Variants in WWP2 observed in about 807,000 individuals in gnomAD.
WWP2 encodes the protein WW domain containing E3 ubiquitin protein ligase 2.
Under a neutral mutation model 121.0 loss-of-function variants are expected in WWP2, and 57 were observed. That is an observed-to-expected ratio of 0.47 (90% CI 0.38 to 0.59). The LOEUF is 0.59. Among genes scored for constraint, WWP2 ranks in the 20% least tolerant of loss-of-function variants. The pLI is 0.00. For missense variants in WWP2, 962 were observed against 1,158.9 expected (o/e 0.83, Z 2.47); for synonymous variants, 449 against 441.3 (o/e 1.02, Z -0.22).
At chr16:69,821,523 T>C (rs940878053) in intron 4 of WWP2, among the ~76,000 whole-genome samples, 1 of 152,114 alleles carries the variant, frequency 6.6e-6, no homozygotes, top group African/African-American at 2.4e-5. Flanking sequence ...GCCTCCAGAG[T>C]GTTCTGTGAG....
At chr16:69,933,846 C>A in intron 16 of WWP2, 124 bp from the exon 17 acceptor site, 2 of 1,152,666 alleles carry the variant, frequency 1.7e-6, no homozygotes, top group Non-Finnish European at 2.5e-6. Flanking sequence ...TGTCACAGGG[C>A]TCGACTCCCT....
chr16:69,779,480 G>T (rs1356045995), intron 1 of WWP2, among the ~76,000 whole-genome samples: 1 of 152,192 alleles, frequency 6.6e-6, no homozygotes, highest in African/African-American at 2.4e-5. Context: ...TGCCTTCCCA[G>T]TTGCCTTTGT....
In WWP2 at chr16:69,940,272, C is replaced by G; in HGVS notation, c.*332C>G. 1 of 288,344 alleles carries G rather than the reference C, an allele frequency of 3.5e-6. No individual in the cohort carries two copies. The highest frequency in any genetic ancestry group is 6.5e-6 in the Non-Finnish European group (1 of 154,218). 17.9% of individuals were successfully genotyped at this position (288,344 alleles called of 1,614,324 possible). On this transcript the variant is annotated 3_prime_UTR_variant, in exon 24 of 24. Coordinates refer to ENST00000359154, the MANE Select transcript of WWP2 (RefSeq NM_001270454.2). ...GAGTGTGCAAGGGAAGGTGTTGCATCCCCAGGGGCTGCCGCAGAGGCCGGA... is the reference window on the plus strand; with the variant it reads ...GAGTGTGCAAGGGAAGGTGTTGCATGCCCAGGGGCTGCCGCAGAGGCCGGA...
At chr16:69,894,203 G>C (rs573340744) in intron 8 of WWP2, among the ~76,000 whole-genome samples, 1 of 151,496 alleles carries the variant, frequency 6.6e-6, no homozygotes, top group Non-Finnish European at 1.5e-5. Flanking sequence ...GGCCTCCCGA[G>C]TAGCTGGGAC....
chr16:69,893,910 G>T (rs2058068426), intron 8 of WWP2, among the ~76,000 whole-genome samples: 1 of 152,148 alleles, frequency 6.6e-6, no homozygotes, highest in Admixed American at 6.5e-5. Context: ...GTGCAGCACG[G>T]CTCCTCTTCA....
intron 4 of WWP2, among the ~76,000 whole-genome samples, chr16:69,836,106 A>G (rs1430207988): frequency 6.6e-6 from 1 of 152,102 alleles, no homozygotes; most frequent in East Asian, 1.9e-4. Context: ...CCTGTGCATA[A>G]AACCATAGTA....
chr16:69,828,472 G>A (rs1037327248), intron 4 of WWP2, among the ~76,000 whole-genome samples: 9 of 152,090 alleles, frequency 5.9e-5, no homozygotes, highest in African/African-American at 1.9e-4. Flanking sequence ...GTTCAAGCGA[G>A]TCTCCTGCCT....
intron 7 of WWP2, among the ~76,000 whole-genome samples, chr16:69,880,938 T>C (rs1211166250): frequency 1.3e-5 from 2 of 152,226 alleles, no homozygotes; most frequent in African/African-American, 4.8e-5. Flanking sequence ...CACAGTGGAC[T>C]GGCAGTGTCT....
intron 1 of WWP2, among the ~76,000 whole-genome samples, chr16:69,779,107 A>T (rs2055607140): frequency 6.7e-6 from 1 of 148,244 alleles, no homozygotes; most frequent in Non-Finnish European, 1.5e-5. Context: ...CCGCCACCAC[A>T]CCCGGCTAAT....
At chr16:69,814,979 G>A (rs903957649) in intron 4 of WWP2, among the ~76,000 whole-genome samples, 8 of 151,858 alleles carry the variant, frequency 5.3e-5, no homozygotes, top group African/African-American at 1.7e-4. Flanking sequence ...TTTATTATTA[G>A]TTTTTTAAAA....
At chr16:69,822,639 CG>C (rs2056613320) in intron 4 of WWP2, among the ~76,000 whole-genome samples, 1 of 151,846 alleles carries the variant, frequency 6.6e-6, no homozygotes, top group Non-Finnish European at 1.5e-5. Context: ...AAAAAGGAAT[CG>C]TCTAGAGGAA....
intron 8 of WWP2, among the ~76,000 whole-genome samples, chr16:69,891,673 TCC>T (rs1180098161): frequency 6.6e-6 from 1 of 152,168 alleles, no homozygotes; most frequent in Non-Finnish European, 1.5e-5. Context: ...ACTCAGCCAT[TCC>T]CTTGGCTGCC....
chr16:69,940,164 G>A lies in WWP2; in HGVS notation c.*224G>A. The stretch of plus-strand genomic sequence containing the variant: ...GAATAAAGCCCCCTAGTTGCCTTTG[G>A]CCCCACCTTTGCAAAGTTCCAGAGG... On this transcript the variant is annotated 3_prime_UTR_variant, in exon 24 of 24. Transcript: ENST00000359154. 1 of 571,484 alleles carries A rather than the reference G, an allele frequency of 1.7e-6. No individual in the cohort carries two copies. Among genetic ancestry groups the A allele is most frequent in the Non-Finnish European group, 3.1e-6 (1 of 321,382 alleles). The allele number at this position is 571,484 out of a possible 1,614,324, so 35.4% of individuals were successfully genotyped here. A position where few individuals can be genotyped will look rare whatever the true frequency, so the allele number is the denominator to read the frequency against.
At position 69,935,728 on chromosome 16, in the gene WWP2, G is replaced by A; in HGVS notation, c.1843-125G>A. ...TCCCGCTGCGTCCGAGGCAGCTGCT[G>A]CTGTAGTTCTGTCAGGGAAGGAAGG... On this transcript the variant is annotated intron_variant, in intron 17 of 23. Coordinates refer to ENST00000359154, the MANE Select transcript of WWP2 (RefSeq NM_001270454.2). This position sits in a 1 kb window ranked among gnomAD's most constrained non-coding sequence, Gnocchi z 5.2. 2 of 1,408,254 alleles carry A rather than the reference G, an allele frequency of 1.4e-6. No homozygotes were observed. The highest frequency in any genetic ancestry group is 1.9e-6 in the Non-Finnish European group (2 of 1,041,076). 87.2% of individuals were successfully genotyped at this position (1,408,254 alleles called of 1,614,324 possible).
rs377705388 is a variant in WWP2, at chr16:69,879,625, A to G, written c.703+7694A>G. ...ATTTTGTTTCTCCATTCATCTGTAGATGGACATTTGGGTTGTCTCCACCTT... is the reference window on the plus strand; with the variant it reads ...ATTTTGTTTCTCCATTCATCTGTAGGTGGACATTTGGGTTGTCTCCACCTT... On this transcript the variant is annotated intron_variant, in intron 7 of 23. Coordinates refer to ENST00000359154, the MANE Select transcript of WWP2 (RefSeq NM_001270454.2). 1.1e-4 allele frequency among the ~76,000 whole-genome samples: 17 copies of G among 152,270 alleles called. 2 individuals carry two copies. Among genetic ancestry groups the G allele is most frequent in the East Asian group, 3.9e-4 (2 of 5,184 alleles).
intron 2 of WWP2, among the ~76,000 whole-genome samples, chr16:69,788,546 C>A (rs1323799509): frequency 1.3e-5 from 2 of 152,128 alleles, no homozygotes; most frequent in Non-Finnish European, 2.9e-5. Flanking sequence ...CTTGCTGTTC[C>A]CTCTGAGTGA....
intron 4 of WWP2, among the ~76,000 whole-genome samples, chr16:69,800,812 G>A (rs1057098460): frequency 5.3e-5 from 8 of 151,180 alleles, no homozygotes; most frequent in South Asian, 2.1e-4. Flanking sequence ...TGATCTGCCC[G>A]CCTCATCCTC....
chr16:69,916,546 G>T (rs1851984976), intron 9 of WWP2, among the ~76,000 whole-genome samples: 2 of 152,142 alleles, frequency 1.3e-5, no homozygotes, highest in Admixed American at 1.3e-4. Context: ...CAGGGGTGAG[G>T]TGATACAGAT....
intron 4 of WWP2, chr16:69,828,024 G>C (rs1188452541): frequency 1.4e-5 from 6 of 414,594 alleles, no homozygotes; most frequent in Non-Finnish European, 2.4e-5. Flanking sequence ...TGTTACGTGG[G>C]TGACTGTAAT....
Sources: gnomAD v4.1 joint callset for allele counts (sites outside exome capture counted in the v4.1 genomes callset) on GRCh38, gnomAD v4.1.1 for gene constraint, Gnocchi (gnomAD v3.1) non-coding constraint, MANE v1.5 for transcripts, NCBI Gene and HGNC (gene_info 2026-07-23, HGNC 2026-07-21) for gene names.